NBR1: variants seen among roughly 807,000 people sequenced by gnomAD.
NBR1 encodes the protein next to BRCA1 gene 1 protein.
NBR1 carries 59 observed loss-of-function variants against 115.5 expected under a neutral mutation model. That is an observed-to-expected ratio of 0.51 (90% confidence interval 0.41 to 0.63). The LOEUF (loss-of-function observed/expected upper bound fraction) is 0.63, where lower values mean the gene tolerates loss of function less well. Ranked by LOEUF, NBR1 falls within the 30% of genes least tolerant of loss-of-function variation. The probability of loss-of-function intolerance (pLI) is 0.00; values close to 1 mark genes in which losing one functional copy is unlikely to be tolerated. For synonymous variants in NBR1, 373 were observed against 414.7 expected (o/e 0.90, Z 1.22); for missense variants, 1,043 against 1,150.5 (o/e 0.91, Z 1.35).
chr17:43,196,395 G>C, intron 14 of NBR1, 86 bp from the exon 15 acceptor site: 2 of 794,346 alleles, frequency 2.5e-6, no homozygotes, highest in Non-Finnish European at 3.9e-6. Context: ...GAGGCAAGAA[G>C]CCTACAAACT....
At chr17:43,176,407 G>A (rs1477788568) in intron 2 of NBR1, 1 of 152,300 alleles carries the variant, frequency 6.6e-6, no homozygotes, top group Non-Finnish European at 1.5e-5. Context: ...TTTTTGCTAA[G>A]GCTTTTCCTC....
rs533169317 is a variant in NBR1, at chr17:43,172,619, G to C, written c.-10+1317G>C. ...TCATATGAATGAATACTAGATGTCA[G>C]CAGGATTGTTGTTAAGAGACTAATA... On this transcript the variant is annotated intron_variant, in intron 1 of 20. Transcript: ENST00000590996. Among the ~76,000 whole-genome samples, 389 of 152,162 alleles carry C rather than the reference G, an allele frequency of 2.6e-3. 2 individuals are homozygous for C. The highest frequency in any genetic ancestry group is 8.5e-3 in the African/African-American group (354 of 41,526).
At chr17:43,208,785 G>A (rs1292616432) in intron 20 of NBR1, among the ~76,000 whole-genome samples, 1 of 152,120 alleles carries the variant, frequency 6.6e-6, no homozygotes, top group Non-Finnish European at 1.5e-5. Context: ...GGGCAACATA[G>A]GGAAACCTCA....
chr17:43,209,617 C>T, intron 20 of NBR1: 1 of 1,535,556 alleles, frequency 6.5e-7, no homozygotes, highest in East Asian at 2.4e-5. Context: ...CCTGAAAGCC[C>T]CGAGTGAAGC....
intron 13 of NBR1, 134 bp downstream of exon 13, chr17:43,194,633 A>G (rs2057025436): frequency 3.9e-6 from 4 of 1,037,496 alleles, no homozygotes; most frequent in Non-Finnish European, 5.7e-6. Context: ...TTTAATGGGA[A>G]GGAGATCACC....
chr17:43,207,916 C>T (rs2057347136), intron 20 of NBR1, among the ~76,000 whole-genome samples: 2 of 152,060 alleles, frequency 1.3e-5, no homozygotes, highest in Non-Finnish European at 2.9e-5. Context: ...AGTCACTTGC[C>T]TACAGATTAT....
At chr17:43,177,127 G>T (rs1024304706) in intron 2 of NBR1, among the ~76,000 whole-genome samples, 2 of 151,852 alleles carry the variant, frequency 1.3e-5, no homozygotes, top group African/African-American at 4.8e-5. Flanking sequence ...ACAAAAATTA[G>T]CTGGGCCTGG....
chr17:43,203,523 G>A (rs1173014019), intron 19 of NBR1, among the ~76,000 whole-genome samples, 158 bp from the exon 20 acceptor site: 1 of 152,186 alleles, frequency 6.6e-6, no homozygotes, highest in East Asian at 1.9e-4. Context: ...ACCATGATCT[G>A]TAGCTATAAA....
intron 4 of NBR1, among the ~76,000 whole-genome samples, chr17:43,180,592 T>C (rs1017466049): frequency 6.6e-6 from 1 of 152,192 alleles, no homozygotes; most frequent in Non-Finnish European, 1.5e-5. Flanking sequence ...GCAAAAATCA[T>C]GAATATAATT....
intron 20 of NBR1, chr17:43,209,462 C>A: frequency 1.0e-6 from 1 of 998,118 alleles, no homozygotes; most frequent in Non-Finnish European, 1.5e-6. Context: ...TCCAGCTCCT[C>A]TGCATATCTG....
intron 17 of NBR1, among the ~76,000 whole-genome samples, chr17:43,201,401 A>G (rs1481849075): frequency 6.6e-6 from 1 of 152,216 alleles, no homozygotes; most frequent in Non-Finnish European, 1.5e-5. Flanking sequence ...CTATAATGTA[A>G]ACCATTCTCC....
intron 1 of NBR1, among the ~76,000 whole-genome samples, chr17:43,175,371 C>T (rs1454105780): frequency 6.6e-6 from 1 of 152,144 alleles, no homozygotes; most frequent in Non-Finnish European, 1.5e-5. Flanking sequence ...GTTGGTATGT[C>T]CTGCTACTAG....
In NBR1 at chr17:43,200,196, GGAAATGAGAAGGAGGAGATTAT is replaced by G; in HGVS notation, c.2057_2078del (p.Gly686AlafsTer103). The G allele has an allele frequency of 6.5e-7, 1 of 1,549,900 alleles. No individual in the cohort carries two copies. Among genetic ancestry groups the G allele is most frequent in the Non-Finnish European group, 8.7e-7 (1 of 1,145,542 alleles). On this transcript the variant is annotated frameshift_variant, in exon 17 of 21. Transcript: ENST00000590996. LOFTEE classifies it high-confidence loss of function. ...ATTTGCCTTGCCTGAAGGACCACTT[GGAAATGAGAAGGAGGAGATTAT>G]CCATATCGCTGAGGAAGAAGCTGTC...
chr17:43,185,462 G>A lies in NBR1; in HGVS notation c.208-788G>A, dbSNP rs148693102. 2.6e-3 allele frequency among the ~76,000 whole-genome samples: 397 copies of A among 152,272 alleles called. 1 individual carries two copies. Among genetic ancestry groups the A allele is most frequent in the Non-Finnish European group, 3.9e-3 (267 of 68,032 alleles). ...CACCTGTAGTCCCAGTTACTCAGGA[G>A]GCTGAGGTGGGAGGATAGTTGAACT... On this transcript the variant is annotated intron_variant, in intron 5 of 20. Transcript: ENST00000590996.
At chr17:43,187,344 C>A (rs1040162474) in intron 6 of NBR1, among the ~76,000 whole-genome samples, 1 of 151,942 alleles carries the variant, frequency 6.6e-6, no homozygotes, top group Non-Finnish European at 1.5e-5. Flanking sequence ...CTACGCCCAG[C>A]TAATTTTTTT....
chr17:43,187,396 G>A (rs189185140), intron 6 of NBR1, among the ~76,000 whole-genome samples: 45 of 152,020 alleles, frequency 3.0e-4, no homozygotes, highest in Non-Finnish European at 5.1e-4. Context: ...TAGCCAGGAT[G>A]GTCTCGATCT....
chr17:43,196,336 T>A (rs2057067340), intron 14 of NBR1, 145 bp from the exon 15 acceptor site: 1 of 531,890 alleles, frequency 1.9e-6, no homozygotes, highest in Non-Finnish European at 3.2e-6. Flanking sequence ...CTGGAGAAAT[T>A]TTTTGTAACA....
chr17:43,204,962 C>G (rs943490022), intron 20 of NBR1, among the ~76,000 whole-genome samples: 1 of 151,778 alleles, frequency 6.6e-6, no homozygotes, highest in Non-Finnish European at 1.5e-5. Flanking sequence ...GGTGACTGAG[C>G]GAGACCCTGT....
At chr17:43,180,331 A>G (rs1298913486) in intron 4 of NBR1, among the ~76,000 whole-genome samples, 1 of 152,232 alleles carries the variant, frequency 6.6e-6, no homozygotes, top group Non-Finnish European at 1.5e-5. Context: ...GCGAACCTGT[A>G]GAGCATGTTA....
Sources: allele counts gnomAD v4.1 joint callset (sites outside exome capture counted in the v4.1 genomes callset), GRCh38; gene constraint gnomAD v4.1.1; transcripts MANE v1.5; gene names NCBI Gene and HGNC (gene_info 2026-07-23, HGNC 2026-07-21).